Variants in ADGRB3 observed in about 807,000 individuals in gnomAD.
ADGRB3 encodes brain-specific angiogenesis inhibitor 3.
ADGRB3 carries 37 observed loss-of-function variants against 193.4 expected under a neutral mutation model. That is an observed-to-expected ratio of 0.19 (90% CI 0.15 to 0.25). The LOEUF (loss-of-function observed/expected upper bound fraction) is 0.25, where lower values mean the gene tolerates loss of function less well. Ranked by LOEUF, ADGRB3 falls within the 10% of genes least tolerant of loss-of-function variation. ADGRB3 has a pLI of 1.00. For missense variants in ADGRB3, 1,637 were observed against 1,852.9 expected, an observed-to-expected ratio of 0.88 and a Z score of 2.14; for synonymous variants, 690 against 644.2, an observed-to-expected ratio of 1.07 and a Z score of -1.08.
intron 15 of ADGRB3, among the ~76,000 whole-genome samples, chr6:69,051,096 AG>A (rs1476877683): frequency 3.9e-5 from 6 of 152,172 alleles, no homozygotes; most frequent in African/African-American, 1.4e-4. Flanking sequence ...AAAATGAAAA[AG>A]AAACATTTAA....
intron 3 of ADGRB3, among the ~76,000 whole-genome samples, chr6:68,874,075 TGACTTTTA>T (rs1041269467): frequency 1.6e-4 from 25 of 152,204 alleles, no homozygotes; most frequent in African/African-American, 5.8e-4. Flanking sequence ...CTCTAAAATT[TGACTTTTA>T]GACTTTTAGG....
intron 25 of ADGRB3, 85 bp from the exon 26 acceptor site, chr6:69,339,248 C>A: frequency 6.7e-7 from 1 of 1,492,548 alleles, no homozygotes; most frequent in Non-Finnish European, 9.1e-7. Flanking sequence ...GAACCACATA[C>A]AAAAATGCTT....
intron 20 of ADGRB3, among the ~76,000 whole-genome samples, chr6:69,272,556 G>A (rs1320784500): frequency 6.6e-6 from 1 of 152,134 alleles, no homozygotes; most frequent in Non-Finnish European, 1.5e-5. Flanking sequence ...GGAAAGTAAA[G>A]GAGGAATCTG....
At chr6:68,880,503 C>T (rs1479774848) in intron 3 of ADGRB3, among the ~76,000 whole-genome samples, 5 of 152,140 alleles carry the variant, frequency 3.3e-5, no homozygotes, top group Admixed American at 2.0e-4. Flanking sequence ...CCAAAACATC[C>T]CTCTCCATTC....
intron 3 of ADGRB3, among the ~76,000 whole-genome samples, chr6:68,737,836 C>T (rs576937126): frequency 6.6e-6 from 1 of 152,286 alleles, no homozygotes; most frequent in South Asian, 2.1e-4. Context: ...GCAGGTACTA[C>T]TTCAGGGCCT....
At chr6:68,855,440 G>T (rs534690) in intron 3 of ADGRB3, among the ~76,000 whole-genome samples, 72,741 of 140,600 alleles carry the variant, frequency 0.52, 18,109 homozygotes, top group East Asian at 0.62. Context: ...TTAATTTAAT[G>T]TAATCATGTG....
chr6:68,731,923 A>AT (rs530462757), intron 3 of ADGRB3, among the ~76,000 whole-genome samples: 103 of 151,838 alleles, frequency 6.8e-4, no homozygotes, highest in South Asian at 5.4e-3. Context: ...TTATGCACAT[A>AT]TATACATATG....
At chr6:68,809,626 G>A (rs913503572) in intron 3 of ADGRB3, among the ~76,000 whole-genome samples, 4 of 152,086 alleles carry the variant, frequency 2.6e-5, no homozygotes, top group African/African-American at 7.2e-5. Flanking sequence ...ACTTAGCATA[G>A]GAAAAGCAAG....
chr6:69,142,837 A>G (rs928123097), intron 17 of ADGRB3, among the ~76,000 whole-genome samples: 3 of 152,120 alleles, frequency 2.0e-5, no homozygotes, highest in South Asian at 2.1e-4. Flanking sequence ...GAGTATGTAC[A>G]TATTCTAAAC....
intron 22 of ADGRB3, among the ~76,000 whole-genome samples, chr6:69,329,595 G>C (rs1321973): frequency 0.24 from 36,757 of 152,154 alleles, 5,654 homozygotes; most frequent in African/African-American, 0.43. Context: ...AGCAGCTACT[G>C]TTCATTGTTA....
At position 68,659,681 on chromosome 6, in the gene ADGRB3, C is replaced by A. The variant is rs111804800; in HGVS notation, c.757+20249C>A. On this transcript the variant is annotated intron_variant, in intron 3 of 31. Transcript: ENST00000370598. ...ATTACTCCAGAATTCTTATATCATGCGAATTATGTGAAAGGACTTTAGGTA... is the reference window on the plus strand; with the variant it reads ...ATTACTCCAGAATTCTTATATCATGAGAATTATGTGAAAGGACTTTAGGTA... 5.6e-3 allele frequency among the ~76,000 whole-genome samples: 850 copies of A among 150,686 alleles called. 6 individuals are homozygous for A. Among genetic ancestry groups the A allele is most frequent in the African/African-American group, 0.019 (770 of 41,296 alleles).
intron 17 of ADGRB3, among the ~76,000 whole-genome samples, chr6:69,115,394 A>G (rs1328291647): frequency 6.6e-6 from 1 of 152,102 alleles, no homozygotes; most frequent in African/African-American, 2.4e-5. Flanking sequence ...GAGCTGAACA[A>G]TGAGAACACA....
intron 17 of ADGRB3, among the ~76,000 whole-genome samples, chr6:69,152,949 C>T (rs1484685535): frequency 6.6e-6 from 1 of 152,042 alleles, no homozygotes; most frequent in Non-Finnish European, 1.5e-5. Context: ...TTTATGATCT[C>T]ACTTATTTTC....
intron 3 of ADGRB3, among the ~76,000 whole-genome samples, chr6:68,827,606 C>T (rs919110595): frequency 6.6e-6 from 1 of 151,170 alleles, no homozygotes; most frequent in African/African-American, 2.4e-5. Flanking sequence ...AGGAGCTAGT[C>T]TTTGTTAAGT....
intron 3 of ADGRB3, among the ~76,000 whole-genome samples, chr6:68,837,984 T>G (rs1768076922): frequency 6.6e-6 from 1 of 152,184 alleles, no homozygotes; most frequent in African/African-American, 2.4e-5. Flanking sequence ...TTCTGGATCT[T>G]GATTTTCCCA....
At chr6:69,324,752 G>A (rs1299458823) in intron 20 of ADGRB3, 120 bp from the exon 21 acceptor site, 19 of 1,112,112 alleles carry the variant, frequency 1.7e-5, no homozygotes, top group South Asian at 3.2e-5. Context: ...TCTTGTCACT[G>A]AGGAGAAGTA....
chr6:68,879,695 G>A (rs558452), intron 3 of ADGRB3, among the ~76,000 whole-genome samples: 33,871 of 151,992 alleles, frequency 0.22, 4,297 homozygotes, highest in East Asian at 0.58. Context: ...GTTGCAACAT[G>A]AGTCACACCC....
At chr6:69,100,810 AAAGGAAGG>A (rs1196039973) in intron 17 of ADGRB3, among the ~76,000 whole-genome samples, 80 of 55,172 alleles carry the variant, frequency 1.5e-3, no homozygotes, top group African/African-American at 4.8e-3. Flanking sequence ...AAAAAAAGAC[AAAGGAAGG>A]AAGGAAAGAA....
At chr6:69,240,713 G>T (rs569472553) in intron 20 of ADGRB3, among the ~76,000 whole-genome samples, 2 of 151,906 alleles carry the variant, frequency 1.3e-5, no homozygotes, top group Admixed American at 1.3e-4. Flanking sequence ...GATGAGATGG[G>T]ACCGTAAACC....
Sources: allele counts gnomAD v4.1 joint callset (sites outside exome capture counted in the v4.1 genomes callset), GRCh38; gene constraint gnomAD v4.1.1; transcripts MANE v1.5; gene names NCBI Gene and HGNC (gene_info 2026-07-23, HGNC 2026-07-21).